Variants in PTCHD1 observed in about 807,000 individuals in gnomAD.
PTCHD1 encodes patched domain containing 1, also known as patched domain-containing protein 1.
In PTCHD1, 3 loss-of-function variants were observed where a neutral mutation model predicts 34.6. The ratio of observed to expected loss-of-function variants is 0.09; its 90% CI spans 0.04 to 0.22. PTCHD1 has a LOEUF of 0.22. Among genes scored for constraint, PTCHD1 ranks in the 10% least tolerant of loss-of-function variants. The probability of loss-of-function intolerance (pLI) is 1.00; values close to 1 mark genes in which losing one functional copy is unlikely to be tolerated. For missense variants in PTCHD1, 504 were observed against 685.5 expected, an observed-to-expected ratio of 0.74 and a Z score of 2.96; for synonymous variants, 305 against 283.1, an observed-to-expected ratio of 1.08 and a Z score of -0.77.
At chrX:23,358,077 G>C (rs1192065868) in intron 1 of PTCHD1, among the ~76,000 whole-genome samples, 1 of 111,866 alleles carries the variant, frequency 8.9e-6, no homozygotes, top group Non-Finnish European at 1.9e-5. Flanking sequence ...ATTTGGGTTG[G>C]TTCCAAGTCT....
At chrX:23,366,921 TACAC>T (rs61606231) in intron 1 of PTCHD1, among the ~76,000 whole-genome samples, 1,767 of 98,853 alleles carry the variant, frequency 0.018, 21 homozygotes, top group African/African-American at 0.02. Context: ...ATGCTCCTGG[TACAC>T]ACACACACAC....
At chrX:23,385,907 T>C (rs951419754) in intron 2 of PTCHD1, among the ~76,000 whole-genome samples, 1 of 111,287 alleles carries the variant, frequency 9.0e-6, no homozygotes, top group Non-Finnish European at 1.9e-5. Context: ...ATATATCATA[T>C]GCAATATGAT....
In PTCHD1 at chrX:23,397,677, G is replaced by A. The variant is rs1275925416; in HGVS notation, c.*3492G>A. 3 of 111,165 alleles carry A rather than the reference G, an allele frequency of 2.7e-5. No individual in the cohort carries two copies. Among genetic ancestry groups the A allele is most frequent in the African/African-American group, 9.9e-5 (3 of 30,435 alleles). 9.2% of individuals were successfully genotyped at this position (111,165 alleles called of 1,213,427 possible). A position where few individuals can be genotyped will look rare whatever the true frequency, so the allele number is the denominator to read the frequency against. ...GTATGCAATATACCGCTCCAAATGA[G>A]GACCTTGGTAACCCTTGACCCTTTA... is the stretch of plus-strand genomic sequence containing the variant. On this transcript the variant is annotated 3_prime_UTR_variant, in exon 3 of 3. Transcript: ENST00000379361.
At chrX:23,384,579 T>C (rs1922639568) in intron 2 of PTCHD1, among the ~76,000 whole-genome samples, 1 of 111,931 alleles carries the variant, frequency 8.9e-6, no homozygotes, top group Admixed American at 9.5e-5. Flanking sequence ...ATGATGCCAC[T>C]TGAAATATAA....
At chrX:23,346,003 A>T (rs1014946351) in intron 1 of PTCHD1, among the ~76,000 whole-genome samples, 1 of 111,478 alleles carries the variant, frequency 9.0e-6, no homozygotes, top group African/African-American at 3.3e-5. Context: ...GAGATGGAGG[A>T]AGAGAGATAC....
intron 1 of PTCHD1, among the ~76,000 whole-genome samples, chrX:23,350,777 C>T (rs894051400): frequency 9.1e-6 from 1 of 110,276 alleles, no homozygotes; most frequent in African/African-American, 3.3e-5. Context: ...GTAGAGAAGT[C>T]AGAAGAACAC....
chrX:23,389,871 A>C (rs1922785698), intron 2 of PTCHD1, among the ~76,000 whole-genome samples: 1 of 112,211 alleles, frequency 8.9e-6, no homozygotes, highest in Admixed American at 9.4e-5. Flanking sequence ...GGCATTTAAA[A>C]TGCAGCAACA....
intron 2 of PTCHD1, among the ~76,000 whole-genome samples, chrX:23,390,037 T>C (rs1922789311): frequency 8.9e-6 from 1 of 112,135 alleles, no homozygotes; most frequent in Admixed American, 9.4e-5. Context: ...CAGCAAGGTA[T>C]GAAATTGATT....
intron 1 of PTCHD1, among the ~76,000 whole-genome samples, chrX:23,344,085 C>T (rs1343447930): frequency 8.9e-6 from 1 of 112,280 alleles, no homozygotes. Context: ...TGCAAGTCTG[C>T]ATTTCTAACA....
At chrX:23,351,281 T>A in intron 1 of PTCHD1, 3 of 831,112 alleles carry the variant, frequency 3.6e-6, no homozygotes. Flanking sequence ...TTCACTCTGT[T>A]CACACAAAAG....
At chrX:23,377,410 T>C (rs1426808059) in intron 1 of PTCHD1, among the ~76,000 whole-genome samples, 1 of 112,132 alleles carries the variant, frequency 8.9e-6, no homozygotes, top group African/African-American at 3.2e-5. Context: ...ATTTTGTAAC[T>C]AGGAGTTCTT....
At chrX:23,347,490 T>A (rs190496866) in intron 1 of PTCHD1, among the ~76,000 whole-genome samples, 2 of 112,162 alleles carry the variant, frequency 1.8e-5, no homozygotes, top group African/African-American at 3.2e-5. Context: ...TACCTATAGC[T>A]ACAACAAACA....
chrX:23,378,778 T>G (rs1922477861), intron 1 of PTCHD1, among the ~76,000 whole-genome samples: 1 of 112,495 alleles, frequency 8.9e-6, no homozygotes, highest in Admixed American at 9.4e-5. Context: ...TGGCATGTAG[T>G]AGGGGCAGTT....
At chrX:23,352,860 G>A (rs889717670) in intron 1 of PTCHD1, among the ~76,000 whole-genome samples, 3 of 111,790 alleles carry the variant, frequency 2.7e-5, no homozygotes, top group Non-Finnish European at 1.9e-5. Flanking sequence ...GCTTCACCCA[G>A]ACCTAGTAAA....
intron 2 of PTCHD1, among the ~76,000 whole-genome samples, chrX:23,386,019 G>A (rs1922678959): frequency 9.1e-6 from 1 of 110,408 alleles, no homozygotes; most frequent in Non-Finnish European, 1.9e-5. Context: ...GCTATTCTCT[G>A]TGTATACTAT....
intron 1 of PTCHD1, among the ~76,000 whole-genome samples, chrX:23,351,875 T>A (rs1049277682): frequency 8.9e-6 from 1 of 111,992 alleles, no homozygotes; most frequent in African/African-American, 3.3e-5. Context: ...TGAGGTATAG[T>A]TGGAGACATC....
In PTCHD1 at chrX:23,387,574, TA is replaced by T. The variant is rs1285109721; in HGVS notation, c.1013-4953del. On this transcript the variant is annotated intron_variant, in intron 2 of 2. Coordinates refer to ENST00000379361, the MANE Select transcript of PTCHD1 (RefSeq NM_173495.3). ...TGACAACCCCAAAGTGTACTGCAAA[TA>T]AAATTAATAAAAGCAGTTTTCTTTT... Among the ~76,000 whole-genome samples, 3 of 111,906 alleles carry T rather than the reference TA, an allele frequency of 2.7e-5. No individual in the cohort carries two copies. In the Admixed American group the frequency reaches 2.8e-4, roughly 11 times the overall value.
Position 23,394,156 on chromosome X carries a change from C to A in PTCHD1, c.2638C>A (p.Arg880Ser). The A allele has an allele frequency of 1.7e-6, 2 of 1,207,164 alleles. No homozygotes were observed. The highest frequency in any genetic ancestry group is 1.1e-6 in the Non-Finnish European group (1 of 892,281). The change falls in exon 3 of 3, where the codon CGT becomes AGT. Residue 880 changes from arginine (R) to serine (S), a missense_variant. Physicochemically the swap from Arg to Ser is moderately radical, Grantham distance 110. Transcript: ENST00000379361. ...CVEMVDIDST[R>S]VVDQITTV ...AGAAATGGTAGATATCGATAGTACC[C>A]GTGTGGTTGACCAAATTACAACAGT...
intron 1 of PTCHD1, among the ~76,000 whole-genome samples, chrX:23,367,362 T>C (rs1400069337): frequency 9.0e-6 from 1 of 111,708 alleles, no homozygotes; most frequent in Non-Finnish European, 1.9e-5. Flanking sequence ...GCCTTGAAAA[T>C]TTTCATTAGC....
Sources: gnomAD v4.1 joint callset for allele counts (sites outside exome capture counted in the v4.1 genomes callset) on GRCh38, gnomAD v4.1.1 for gene constraint, MANE v1.5 for transcripts, NCBI Gene and HGNC (gene_info 2026-07-23, HGNC 2026-07-21) for gene names.